ANKRD29: variants seen among roughly 807,000 people sequenced by gnomAD.
ANKRD29 encodes the protein ankyrin repeat domain 29, also known as ankyrin repeat domain-containing protein 29.
Under a neutral mutation model 38.0 loss-of-function variants are expected in ANKRD29, and 32 were observed. The observed-to-expected ratio is 0.84, with a 90% confidence interval of 0.64 to 1.13. The LOEUF is 1.13. Among genes scored for constraint, ANKRD29 ranks in the 50% most tolerant of loss-of-function variants. The probability of loss-of-function intolerance (pLI) is 0.00; values close to 1 mark genes in which losing one functional copy is unlikely to be tolerated. For synonymous variants in ANKRD29, 135 were observed against 152.4 expected (o/e 0.89, Z 0.84); for missense variants, 357 against 377.9 (o/e 0.94, Z 0.46).
At chr18:23,652,690 C>T (rs544050150) in intron 1 of ANKRD29, among the ~76,000 whole-genome samples, 1 of 152,310 alleles carries the variant, frequency 6.6e-6, no homozygotes, top group African/African-American at 2.4e-5. Flanking sequence ...AACTGTAAAG[C>T]ACTTTACCAA....
At chr18:23,606,086 G>T (rs770942710) in intron 9 of ANKRD29, among the ~76,000 whole-genome samples, 6 of 152,132 alleles carry the variant, frequency 3.9e-5, no homozygotes, top group Non-Finnish European at 5.9e-5. Context: ...GCAAATGTCA[G>T]CACAGTGAAA....
intron 9 of ANKRD29, among the ~76,000 whole-genome samples, chr18:23,610,068 A>T (rs1195560780): frequency 6.6e-6 from 1 of 152,224 alleles, no homozygotes; most frequent in Non-Finnish European, 1.5e-5. Flanking sequence ...TTAAAAAAAA[A>T]TTTAACACAG....
chr18:23,624,062 A>C (rs2145671446), intron 6 of ANKRD29, among the ~76,000 whole-genome samples: 1 of 152,300 alleles, frequency 6.6e-6, no homozygotes, highest in Admixed American at 6.5e-5. Context: ...AAAACATTTA[A>C]AAATATTCAA....
chr18:23,622,423 G>C (rs545396036), intron 6 of ANKRD29, among the ~76,000 whole-genome samples: 9 of 152,182 alleles, frequency 5.9e-5, no homozygotes, highest in Non-Finnish European at 1.3e-4. Context: ...CTCCACCAGA[G>C]GGCGGGCAGG....
intron 9 of ANKRD29, among the ~76,000 whole-genome samples, chr18:23,606,502 G>A (rs993709389): frequency 1.2e-4 from 18 of 151,968 alleles, no homozygotes; most frequent in Non-Finnish European, 7.4e-5. Context: ...GTAGAGAGGG[G>A]GTCTTGCTAT....
At chr18:23,612,327 CAA>C (rs768927212) in intron 8 of ANKRD29, 137 bp from the exon 9 acceptor site, 1 of 686,146 alleles carries the variant, frequency 1.5e-6, no homozygotes, top group Non-Finnish European at 2.4e-6. Context: ...TTGTACTTTT[CAA>C]AGTCACATCA....
At chr18:23,613,265 A>G (rs887540360) in intron 8 of ANKRD29, among the ~76,000 whole-genome samples, 1 of 141,434 alleles carries the variant, frequency 7.1e-6, no homozygotes, top group Non-Finnish European at 1.5e-5. Flanking sequence ...CTCTGCCTCC[A>G]GGGCTCAAAC....
chr18:23,604,664 G>A (rs1330632477), intron 9 of ANKRD29, among the ~76,000 whole-genome samples: 3 of 152,066 alleles, frequency 2.0e-5, no homozygotes, highest in Non-Finnish European at 4.4e-5. Flanking sequence ...CCGAGTAGCT[G>A]GGACTACAGG....
At position 23,636,420 on chromosome 18, in the gene ANKRD29, C is replaced by A. The variant is rs1236203110; in HGVS notation, c.331-2271G>T. 3.3e-5 allele frequency among the ~76,000 whole-genome samples: 5 copies of A among 151,968 alleles called. No individual in the cohort carries two copies. In the South Asian group the frequency reaches 8.3e-4, roughly 25 times the overall value. The stretch of plus-strand genomic sequence containing the variant: ...CTCCTGAGTAGCTGGCATCACAATA[C>A]CTGACTAATTTTTTAAAAAATGTTT... On this transcript the variant is annotated intron_variant, in intron 4 of 9. Transcript: ENST00000592179.
intron 4 of ANKRD29, among the ~76,000 whole-genome samples, chr18:23,636,408 G>A (rs976340776): frequency 4.0e-5 from 6 of 151,398 alleles, no homozygotes; most frequent in Admixed American, 2.6e-4. Context: ...CTGAGTAGCT[G>A]GCATCACAAT....
intron 4 of ANKRD29, among the ~76,000 whole-genome samples, chr18:23,635,290 TAA>T (rs111546184): frequency 3.9e-5 from 4 of 103,220 alleles, no homozygotes; most frequent in Admixed American, 9.6e-5. Context: ...ATAAAAAAAG[TAA>T]AAAAAAAAAA....
intron 9 of ANKRD29, chr18:23,609,354 A>C (rs1001473040): frequency 6.6e-6 from 1 of 152,058 alleles, no homozygotes; most frequent in African/African-American, 2.4e-5. Context: ...CTCCAATCTG[A>C]CCAATCAGCA....
intron 1 of ANKRD29, among the ~76,000 whole-genome samples, chr18:23,656,040 C>G (rs902032082): frequency 2.2e-4 from 33 of 149,034 alleles, no homozygotes; most frequent in Middle Eastern, 3.5e-3. Context: ...TTGCAGTGAG[C>G]CGAGATCCCG....
At chr18:23,661,679 A>T (rs576887339) in intron 1 of ANKRD29, among the ~76,000 whole-genome samples, 2 of 152,354 alleles carry the variant, frequency 1.3e-5, no homozygotes, top group Admixed American at 1.3e-4. Flanking sequence ...ATTGCACTCC[A>T]GCCTGGGCAA....
In ANKRD29 at chr18:23,634,037, T is replaced by A; in HGVS notation, c.429+14A>T. ...GATGAGAAATGTCCTAATGTCCCCCTGAAATGCACTCACATAAAGTTGGTC... is the reference window on the plus strand; with the variant it reads ...GATGAGAAATGTCCTAATGTCCCCCAGAAATGCACTCACATAAAGTTGGTC... On this transcript the variant is annotated intron_variant, in intron 5 of 9. Transcript: ENST00000592179. The A allele has an allele frequency of 6.2e-7, 1 of 1,613,306 alleles. No homozygotes were observed. Among genetic ancestry groups the A allele is most frequent in the Non-Finnish European group, 8.5e-7 (1 of 1,179,218 alleles).
rs375717758 is a variant in ANKRD29, at chr18:23,639,831, C to T, written c.232-884G>A. 7.3e-4 allele frequency among the ~76,000 whole-genome samples: 111 copies of T among 152,286 alleles called. 3 individuals are homozygous for T. In the South Asian group the frequency reaches 0.023, roughly 31 times the overall value. On this transcript the variant is annotated intron_variant, in intron 3 of 9. Coordinates refer to ENST00000592179, the MANE Select transcript of ANKRD29 (RefSeq NM_173505.4). ...GATTACAGGCATGAGCCACTGCACC[C>T]AGCCTGCTGTGATATCTAAAGTAGT...
chr18:23,661,431 C>T (rs554621699), intron 1 of ANKRD29, among the ~76,000 whole-genome samples: 2 of 152,200 alleles, frequency 1.3e-5, no homozygotes, highest in East Asian at 1.9e-4. Flanking sequence ...GTCGGCCGGG[C>T]GTAGTGGCTC....
At chr18:23,633,163 G>A (rs1017226773) in intron 5 of ANKRD29, among the ~76,000 whole-genome samples, 5 of 152,104 alleles carry the variant, frequency 3.3e-5, no homozygotes, top group Admixed American at 6.6e-5. Context: ...GCATTATAGC[G>A]ACAATCAATT....
chr18:23,636,717 G>A (rs892847130), intron 4 of ANKRD29, among the ~76,000 whole-genome samples: 9 of 151,796 alleles, frequency 5.9e-5, no homozygotes, highest in African/African-American at 2.2e-4. Context: ...GAGACTACAG[G>A]CACATGCAAC....
Sources: allele counts gnomAD v4.1 joint callset (sites outside exome capture counted in the v4.1 genomes callset), GRCh38; gene constraint gnomAD v4.1.1; transcripts MANE v1.5; gene names NCBI Gene and HGNC (gene_info 2026-07-23, HGNC 2026-07-21).